PLCB1: variants seen among roughly 807,000 people sequenced by gnomAD.
PLCB1 encodes 1-phosphatidylinositol 4,5-bisphosphate phosphodiesterase beta-1.
A neutral mutation model predicts 161.8 loss-of-function variants in PLCB1; 46 were observed. The ratio of observed to expected loss-of-function variants is 0.28; its 90% CI spans 0.22 to 0.36. The LOEUF (loss-of-function observed/expected upper bound fraction) is 0.36. Ranked by LOEUF, PLCB1 falls within the 10% of genes least tolerant of loss-of-function variation. The probability of loss-of-function intolerance (pLI) is 1.00; values close to 1 mark genes in which losing one functional copy is unlikely to be tolerated. For missense variants in PLCB1, 1,016 were observed against 1,472.5 expected (o/e 0.69, Z 5.07); for synonymous variants, 517 against 503.7 (o/e 1.03, Z -0.35).
At chr20:8,245,499 T>C (rs1600258885) in intron 2 of PLCB1, among the ~76,000 whole-genome samples, 1 of 151,948 alleles carries the variant, frequency 6.6e-6, no homozygotes, top group African/African-American at 2.4e-5. Context: ...GCTGTAGATA[T>C]AGCATAATTT....
intron 2 of PLCB1, among the ~76,000 whole-genome samples, chr20:8,198,370 C>A (rs1429456246): frequency 6.6e-6 from 1 of 152,058 alleles, no homozygotes; most frequent in Admixed American, 6.6e-5. Context: ...TGAAGAAGTC[C>A]TTCACATCCC....
chr20:8,740,929 C>T (rs1163137662), intron 22 of PLCB1, among the ~76,000 whole-genome samples: 1 of 152,202 alleles, frequency 6.6e-6, no homozygotes, highest in Non-Finnish European at 1.5e-5. Context: ...TTGGGGCTGT[C>T]CATCCAAAGC....
chr20:8,769,587 T>C (rs1982564357), intron 26 of PLCB1, among the ~76,000 whole-genome samples: 1 of 152,228 alleles, frequency 6.6e-6, no homozygotes, highest in South Asian at 2.1e-4. Context: ...AAATCTTATG[T>C]AGAATTGGTT....
chr20:8,811,821 TA>T (rs144497100), intron 31 of PLCB1, among the ~76,000 whole-genome samples: 4,034 of 152,320 alleles, frequency 0.026, 170 homozygotes, highest in African/African-American at 0.092. Context: ...TGCCTTTCTG[TA>T]ATTAGTATTT....
intron 2 of PLCB1, among the ~76,000 whole-genome samples, chr20:8,368,528 CAAAA>C (rs1216338206): frequency 9.7e-4 from 62 of 63,826 alleles, no homozygotes; most frequent in African/African-American, 3.0e-3. Context: ...CTCTGTCTCT[CAAAA>C]AAAAAAAAAA....
chr20:8,338,141 G>A (rs1985655786), intron 2 of PLCB1, among the ~76,000 whole-genome samples: 1 of 152,070 alleles, frequency 6.6e-6, no homozygotes, highest in African/African-American at 2.4e-5. Context: ...GGGGCTGTCT[G>A]TTTCTATTTC....
intron 31 of PLCB1, among the ~76,000 whole-genome samples, chr20:8,875,832 T>C (rs1568633447): frequency 6.6e-6 from 1 of 152,110 alleles, no homozygotes; most frequent in Non-Finnish European, 1.5e-5. Flanking sequence ...TATGTTATAC[T>C]GGGTTTTGTT....
chr20:8,875,978 G>A (rs1396542485), intron 31 of PLCB1, among the ~76,000 whole-genome samples: 2 of 152,044 alleles, frequency 1.3e-5, no homozygotes, highest in South Asian at 2.1e-4. Context: ...AGAAAAGAAT[G>A]TCAGAGTCAG....
chr20:8,552,610 T>C (rs899067674), intron 3 of PLCB1, among the ~76,000 whole-genome samples: 1 of 152,238 alleles, frequency 6.6e-6, no homozygotes, highest in African/African-American at 2.4e-5. Flanking sequence ...ATTATACTTA[T>C]ATTCTTGGCT....
intron 2 of PLCB1, among the ~76,000 whole-genome samples, chr20:8,321,847 T>C (rs1486017674): frequency 1.3e-5 from 2 of 152,148 alleles, no homozygotes; most frequent in East Asian, 3.8e-4. Flanking sequence ...CGATAGACAT[T>C]CCCTTGGCAT....
At chr20:8,424,309 A>G (rs1979655922) in intron 3 of PLCB1, among the ~76,000 whole-genome samples, 1 of 152,190 alleles carries the variant, frequency 6.6e-6, no homozygotes, top group Non-Finnish European at 1.5e-5. Flanking sequence ...CCAGATGTTT[A>G]TTTTTAGGGG....
intron 3 of PLCB1, among the ~76,000 whole-genome samples, chr20:8,513,166 T>C (rs1333563657): frequency 6.6e-6 from 1 of 152,256 alleles, no homozygotes; most frequent in African/African-American, 2.4e-5. Flanking sequence ...TTCCATTTTT[T>C]ATAAAGTTCA....
intron 9 of PLCB1, among the ~76,000 whole-genome samples, chr20:8,666,329 G>T (rs1031646379): frequency 7.9e-5 from 12 of 152,088 alleles, no homozygotes; most frequent in Admixed American, 7.9e-4. Context: ...GTTTTTGGAA[G>T]AACCCAAACT....
At chr20:8,409,711 C>T (rs1409245800) in intron 3 of PLCB1, among the ~76,000 whole-genome samples, 1 of 152,102 alleles carries the variant, frequency 6.6e-6, no homozygotes, top group East Asian at 1.9e-4. Context: ...GATCCACCCA[C>T]CTCAGCCTCC....
chr20:8,787,018 T>C (rs1399860896), intron 27 of PLCB1, among the ~76,000 whole-genome samples: 1 of 152,176 alleles, frequency 6.6e-6, no homozygotes, highest in Non-Finnish European at 1.5e-5. Flanking sequence ...GTGAATCTTT[T>C]AAAACTAGGC....
chr20:8,264,519 G>C (rs931860553), intron 2 of PLCB1, among the ~76,000 whole-genome samples: 1 of 152,134 alleles, frequency 6.6e-6, no homozygotes, highest in Non-Finnish European at 1.5e-5. Flanking sequence ...ATGTACTAGA[G>C]TTTTATACAA....
intron 3 of PLCB1, among the ~76,000 whole-genome samples, chr20:8,553,145 G>A (rs1985829397): frequency 6.6e-6 from 1 of 152,106 alleles, no homozygotes; most frequent in Non-Finnish European, 1.5e-5. Flanking sequence ...ACCAGAATAA[G>A]GGTGATTTTA....
At chr20:8,635,694 GA>G (rs1427927982) in intron 4 of PLCB1, among the ~76,000 whole-genome samples, 3 of 152,128 alleles carry the variant, frequency 2.0e-5, no homozygotes, top group African/African-American at 7.2e-5. Flanking sequence ...TCAGGATAAG[GA>G]AATGAGAGAA....
intron 3 of PLCB1, among the ~76,000 whole-genome samples, chr20:8,613,591 T>C (rs568773340): frequency 6.6e-4 from 101 of 152,342 alleles, no homozygotes; most frequent in Admixed American, 1.4e-3. Flanking sequence ...TAAGTCCTCA[T>C]GTATAGATTG....
Sources: gnomAD v4.1 joint callset for allele counts (sites outside exome capture counted in the v4.1 genomes callset) on GRCh38, gnomAD v4.1.1 for gene constraint, MANE v1.5 for transcripts, NCBI Gene and HGNC (gene_info 2026-07-23, HGNC 2026-07-21) for gene names.